The following PLEKHB2 variants were observed in gnomAD, a reference collection of about 807,000 sequenced individuals.
The protein encoded by PLEKHB2 is pleckstrin homology domain containing B2, also known as pleckstrin homology domain-containing family B member 2.
A neutral mutation model predicts 36.5 loss-of-function variants in PLEKHB2; 31 were observed. The observed-to-expected ratio is 0.85, with a 90% CI of 0.64 to 1.15. The LOEUF is 1.15. Among genes scored for constraint, PLEKHB2 ranks in the 50% most tolerant of loss-of-function variants. PLEKHB2 has a pLI of 0.00. For synonymous variants in PLEKHB2, 119 were observed against 112.0 expected (o/e 1.06, Z -0.39); for missense variants, 262 against 295.3 (o/e 0.89, Z 0.83).
At chr2:131,137,626 G>A (rs111278740) in intron 6 of PLEKHB2, among the ~76,000 whole-genome samples, 128 of 152,270 alleles carry the variant, frequency 8.4e-4, no homozygotes, top group African/African-American at 2.9e-3. Context: ...ATTCATTCCT[G>A]ATACTGGTAA....
chr2:131,141,640 A>C (rs1559108339), intron 7 of PLEKHB2, among the ~76,000 whole-genome samples: 2 of 118,248 alleles, frequency 1.7e-5, no homozygotes, highest in Non-Finnish European at 1.6e-5. Flanking sequence ...ACTCCGTCTC[A>C]AAAAAAAAAA....
intron 3 of PLEKHB2, among the ~76,000 whole-genome samples, chr2:131,126,310 G>A (rs551641030): frequency 6.6e-5 from 10 of 152,202 alleles, no homozygotes; most frequent in South Asian, 6.2e-4. Context: ...GGTGGATCAC[G>A]AGGGCAGGAG....
At chr2:131,142,584 T>C (rs185954444) in intron 7 of PLEKHB2, among the ~76,000 whole-genome samples, 36 of 152,036 alleles carry the variant, frequency 2.4e-4, no homozygotes, top group Admixed American at 2.1e-3. Flanking sequence ...TTCTTTTTTT[T>C]TTTTGAGATG....
rs548852703 is a variant in PLEKHB2 at position 131,146,806 on chromosome 2, A to G, written c.*33A>G. 6.5e-7 allele frequency: 1 copy of G among 1,539,782 alleles called. No homozygotes were observed. The highest frequency in any genetic ancestry group is 2.3e-5 in the East Asian group (1 of 43,392). On this transcript the variant is annotated 3_prime_UTR_variant, in exon 8 of 8. Transcript: ENST00000693505. ...AAGGTCTTGATGTGCATAGCTTCTG[A>G]TAACCCTGTGTGCAATAATATGATT...
At chr2:131,131,878 G>A (rs1359647272) in intron 5 of PLEKHB2, among the ~76,000 whole-genome samples, 1 of 150,638 alleles carries the variant, frequency 6.6e-6, no homozygotes, top group East Asian at 2.0e-4. Flanking sequence ...CTGTCGCCCA[G>A]GCCAGAGTGC....
At chr2:131,123,251 C>G (rs1696707386) in intron 2 of PLEKHB2, among the ~76,000 whole-genome samples, 1 of 152,196 alleles carries the variant, frequency 6.6e-6, no homozygotes. Flanking sequence ...GTAGAAGTAT[C>G]AATGCCAGTA....
At chr2:131,145,593 C>G (rs1699202654) in intron 7 of PLEKHB2, among the ~76,000 whole-genome samples, 2 of 152,120 alleles carry the variant, frequency 1.3e-5, no homozygotes, top group South Asian at 4.1e-4. Context: ...CCTCAGCCTC[C>G]CAAAGTGCTG....
Position 131,146,896 on chromosome 2 carries a change from G to T in PLEKHB2, c.*123G>T. 2 of 816,272 alleles carry T rather than the reference G, an allele frequency of 2.5e-6. No individual in the cohort carries two copies. Among genetic ancestry groups the T allele is most frequent in the South Asian group, 2.0e-5 (1 of 50,674 alleles). The allele number at this position is 816,272 out of a possible 1,614,324, so 50.6% of individuals were successfully genotyped here. On this transcript the variant is annotated 3_prime_UTR_variant, in exon 8 of 8. Coordinates refer to ENST00000693505, the MANE Select transcript of PLEKHB2 (RefSeq NM_001100623.2). The stretch of plus-strand genomic sequence containing the variant: ...AGTTTTAATCATTCCTTTGAAAGTA[G>T]TGATGTCATAATTGTACTAATCCAC...
At chr2:131,146,111 G>A (rs1406600626) in intron 7 of PLEKHB2, among the ~76,000 whole-genome samples, 2 of 151,986 alleles carry the variant, frequency 1.3e-5, no homozygotes, top group Non-Finnish European at 2.9e-5. Context: ...GAACCTGGGC[G>A]GTGGAAGTTG....
Position 131,130,780 on chromosome 2 carries a change from C to A in PLEKHB2, c.333+20C>A. ...AACACAGTAAGTTGCTAATGGCAAT[C>A]ACCAATAATTTTTTTTTTTTTTGAC... is the stretch of plus-strand genomic sequence containing the variant. On this transcript the variant is annotated intron_variant, in intron 5 of 7. Transcript: ENST00000693505. 1.3e-6 allele frequency: 2 copies of A among 1,583,256 alleles called. No individual in the cohort carries two copies. The highest frequency in any genetic ancestry group is 1.7e-6 in the Non-Finnish European group (2 of 1,153,070).
chr2:131,134,113 A>T (rs1269090452), intron 6 of PLEKHB2, among the ~76,000 whole-genome samples: 3 of 151,910 alleles, frequency 2.0e-5, no homozygotes, highest in African/African-American at 7.3e-5. Flanking sequence ...GTTAGCCAGG[A>T]TGGTCTCAAT....
chr2:131,120,992 GTGC>G lies in PLEKHB2; in HGVS notation c.37+15_37+17del. Reference sequence around the variant, plus strand: ...TGCTGCGACAGAGTGAGTACAGGATGTGCGGTCTGCGATCGGCATTGCCGAAGG... The same window carrying G: ...TGCTGCGACAGAGTGAGTACAGGATGGGTCTGCGATCGGCATTGCCGAAGG... On this transcript the variant is annotated intron_variant, in intron 2 of 7. Transcript: ENST00000693505. The G allele has an allele frequency of 6.8e-6, 11 of 1,613,318 alleles. No homozygotes were observed. Among genetic ancestry groups the G allele is most frequent in the Non-Finnish European group, 9.3e-6 (11 of 1,179,294 alleles).
chr2:131,123,768 CCCCCCCACCCCCCCCCCCG>C (rs1364810134), intron 2 of PLEKHB2, among the ~76,000 whole-genome samples: 3 of 30,062 alleles, frequency 1.0e-4, no homozygotes, highest in African/African-American at 1.9e-4. Context: ...CCTGGTCCAC[CCCCCCCACCCCCCCCCCCG>C]CCCCCCGCCC....
chr2:131,140,529 T>C (rs111536775), intron 7 of PLEKHB2, among the ~76,000 whole-genome samples: 2 of 151,982 alleles, frequency 1.3e-5, no homozygotes, highest in Non-Finnish European at 2.9e-5. Context: ...TTTGTACTTA[T>C]TGGGATTCAC....
intron 7 of PLEKHB2, among the ~76,000 whole-genome samples, chr2:131,142,079 C>G (rs1164756737): frequency 1.3e-5 from 2 of 152,176 alleles, no homozygotes; most frequent in South Asian, 4.1e-4. Context: ...ACCCACACCC[C>G]CTCTCACTCT....
At chr2:131,119,947 G>A (rs947965484) in intron 1 of PLEKHB2, among the ~76,000 whole-genome samples, 2 of 151,382 alleles carry the variant, frequency 1.3e-5, no homozygotes, top group Non-Finnish European at 2.9e-5. Flanking sequence ...GCTGCCATAT[G>A]GTTATGAATA....
At chr2:131,121,087 G>T in intron 2 of PLEKHB2, 109 bp downstream of exon 2, 4 of 1,021,318 alleles carry the variant, frequency 3.9e-6, no homozygotes, top group Non-Finnish European at 4.4e-6. Context: ...TTTTATGAGT[G>T]CTATGGCCTT....
At chr2:131,109,703 CAAAA>C (rs539488253) in intron 1 of PLEKHB2, among the ~76,000 whole-genome samples, 2 of 150,726 alleles carry the variant, frequency 1.3e-5, no homozygotes, top group Non-Finnish European at 3.0e-5. Context: ...AACAAACAAA[CAAAA>C]AAAACAACCA....
intron 6 of PLEKHB2, among the ~76,000 whole-genome samples, chr2:131,136,580 T>C (rs113895376): frequency 1.3e-5 from 2 of 151,824 alleles, no homozygotes; most frequent in Non-Finnish European, 2.9e-5. Flanking sequence ...TTTCACATAC[T>C]GAACCAGCCT....
Sources: gnomAD v4.1 joint callset for allele counts (sites outside exome capture counted in the v4.1 genomes callset) on GRCh38, gnomAD v4.1.1 for gene constraint, MANE v1.5 for transcripts, NCBI Gene and HGNC (gene_info 2026-07-23, HGNC 2026-07-21) for gene names.